The following LIN7A variants were observed in gnomAD, a reference collection of about 807,000 sequenced individuals.
LIN7A encodes protein lin-7 homolog A.
In LIN7A, 25 loss-of-function variants were observed where a neutral mutation model predicts 29.8. The observed-to-expected ratio is 0.84, with a 90% CI of 0.61 to 1.17. The LOEUF (loss-of-function observed/expected upper bound fraction) is 1.17, where lower values mean the gene tolerates loss of function less well. LIN7A is among the 50% of genes most tolerant of loss of function. LIN7A has a pLI of 0.00. For synonymous variants in LIN7A, 118 were observed against 107.5 expected (o/e 1.10, Z -0.60); for missense variants, 239 against 287.0 (o/e 0.83, Z 1.21).
At chr12:80,868,985 T>C (rs1434781407) in intron 2 of LIN7A, among the ~76,000 whole-genome samples, 1 of 152,018 alleles carries the variant, frequency 6.6e-6, no homozygotes, top group Non-Finnish European at 1.5e-5. Context: ...TTAAGAAAGA[T>C]GGATACGAAG....
At chr12:80,853,039 G>A (rs1873409228) in intron 2 of LIN7A, among the ~76,000 whole-genome samples, 1 of 152,106 alleles carries the variant, frequency 6.6e-6, no homozygotes, top group Non-Finnish European at 1.5e-5. Context: ...TGTCAGTTCT[G>A]ATTACATGGA....
At chr12:80,923,541 A>G (rs1316804734) in intron 1 of LIN7A, among the ~76,000 whole-genome samples, 1 of 152,188 alleles carries the variant, frequency 6.6e-6, no homozygotes, top group Non-Finnish European at 1.5e-5. Flanking sequence ...GGACCTTAAA[A>G]ATATATTACA....
At chr12:80,823,724 C>T (rs924881228) in intron 4 of LIN7A, among the ~76,000 whole-genome samples, 2 of 152,236 alleles carry the variant, frequency 1.3e-5, no homozygotes, top group East Asian at 1.9e-4. Flanking sequence ...AAATGTGACA[C>T]CCCAAGGATT....
At chr12:80,850,158 G>A (rs1422985991) in intron 2 of LIN7A, among the ~76,000 whole-genome samples, 1 of 152,130 alleles carries the variant, frequency 6.6e-6, no homozygotes, top group Non-Finnish European at 1.5e-5. Flanking sequence ...TATTCAAGGA[G>A]CAATACTGTG....
intron 4 of LIN7A, among the ~76,000 whole-genome samples, chr12:80,826,618 G>T (rs1872092784): frequency 6.6e-6 from 1 of 152,056 alleles, no homozygotes; most frequent in Non-Finnish European, 1.5e-5. Flanking sequence ...CCCCTCCTGA[G>T]TTCAAGCTAT....
chr12:80,926,753 C>T (rs575496089), intron 1 of LIN7A, among the ~76,000 whole-genome samples: 27 of 151,956 alleles, frequency 1.8e-4, no homozygotes, highest in Admixed American at 7.9e-4. Context: ...CACGGTGAAA[C>T]CCCGTCTCTA....
intron 2 of LIN7A, among the ~76,000 whole-genome samples, chr12:80,858,237 T>C (rs1472716000): frequency 6.6e-6 from 1 of 152,164 alleles, no homozygotes; most frequent in Non-Finnish European, 1.5e-5. Flanking sequence ...AATTATTCTA[T>C]TACATAAAAG....
At chr12:80,802,487 G>C (rs1870768867) in intron 5 of LIN7A, among the ~76,000 whole-genome samples, 1 of 152,108 alleles carries the variant, frequency 6.6e-6, no homozygotes. Flanking sequence ...ATCCCCAGAA[G>C]TGAGATTGCT....
At chr12:80,839,283 T>C (rs1872707281) in intron 4 of LIN7A, among the ~76,000 whole-genome samples, 1 of 152,218 alleles carries the variant, frequency 6.6e-6, no homozygotes, top group Admixed American at 6.5e-5. Flanking sequence ...TCTCTAGTTC[T>C]GCCATTTAGT....
At chr12:80,820,422 A>G (rs1042748120) in intron 4 of LIN7A, among the ~76,000 whole-genome samples, 7 of 152,238 alleles carry the variant, frequency 4.6e-5, no homozygotes, top group African/African-American at 1.2e-4. Context: ...AAAAAGCTTT[A>G]GAAAAAGATC....
At chr12:80,839,052 C>T (rs1872699058) in intron 4 of LIN7A, among the ~76,000 whole-genome samples, 1 of 152,268 alleles carries the variant, frequency 6.6e-6, no homozygotes, top group African/African-American at 2.4e-5. Flanking sequence ...ACCTTACTAT[C>T]TTTAGAAGTG....
intron 3 of LIN7A, 96 bp downstream of exon 3, chr12:80,848,155 A>T: frequency 1.1e-6 from 1 of 875,734 alleles, no homozygotes; most frequent in Non-Finnish European, 1.9e-6. Flanking sequence ...AAATTCTCTT[A>T]CAGTGTACAC....
At chr12:80,916,876 C>A (rs78971727) in intron 1 of LIN7A, among the ~76,000 whole-genome samples, 1,703 of 152,168 alleles carry the variant, frequency 0.011, 28 homozygotes, top group African/African-American at 0.035. Context: ...TGAGGTACTT[C>A]TTATTTATTC....
chr12:80,804,162 A>G (rs1454998805), intron 5 of LIN7A, among the ~76,000 whole-genome samples: 11 of 152,174 alleles, frequency 7.2e-5, no homozygotes, highest in African/African-American at 2.7e-4. Context: ...ATGTGTCATA[A>G]TCACATCATG....
intron 1 of LIN7A, chr12:80,937,324 C>G (rs1878291266): frequency 3.3e-6 from 1 of 301,474 alleles, no homozygotes; most frequent in African/African-American, 2.2e-5. Context: ...TATAGCCGTC[C>G]CCGCGCAGCG....
At chr12:80,902,274 T>TA (rs1234919408) in intron 1 of LIN7A, among the ~76,000 whole-genome samples, 3 of 149,020 alleles carry the variant, frequency 2.0e-5, no homozygotes, top group Non-Finnish European at 4.4e-5. Flanking sequence ...GGCTTTATGG[T>TA]ATAGTTCAAA....
intron 2 of LIN7A, among the ~76,000 whole-genome samples, chr12:80,867,940 A>G (rs964908018): frequency 1.3e-5 from 2 of 152,224 alleles, no homozygotes; most frequent in African/African-American, 4.8e-5. Context: ...AATTTAACAC[A>G]GTAGTATTTC....
At chr12:80,901,802 T>C (rs1876227495) in intron 1 of LIN7A, among the ~76,000 whole-genome samples, 1 of 152,188 alleles carries the variant, frequency 6.6e-6, no homozygotes, top group Non-Finnish European at 1.5e-5. Context: ...TAATAATGTT[T>C]CCTCTTTTAC....
chr12:80,920,014 A>G (rs1877223230), intron 1 of LIN7A, among the ~76,000 whole-genome samples: 1 of 152,188 alleles, frequency 6.6e-6, no homozygotes, highest in African/African-American at 2.4e-5. Context: ...CAAATGGTTA[A>G]GTTGAAAGTC....
Sources: gnomAD v4.1 joint callset for allele counts (sites outside exome capture counted in the v4.1 genomes callset) on GRCh38, gnomAD v4.1.1 for gene constraint, MANE v1.5 for transcripts, NCBI Gene and HGNC (gene_info 2026-07-23, HGNC 2026-07-21) for gene names.